The following BLOC1S3 variants were observed in gnomAD, a reference collection of about 807,000 sequenced individuals.
The protein encoded by BLOC1S3 is biogenesis of lysosomal organelles complex 1 subunit 3.
In BLOC1S3, 7 loss-of-function variants were observed where a neutral mutation model predicts 9.1. That is an observed-to-expected ratio of 0.77 (90% CI 0.44 to 1.45). BLOC1S3 has a LOEUF of 1.45. BLOC1S3 is among the 40% of genes most tolerant of loss of function. The pLI, the probability that BLOC1S3 is intolerant of heterozygous loss-of-function variation, is 0.01. For missense variants in BLOC1S3, 307 were observed against 315.2 expected (o/e 0.97, Z 0.20); for synonymous variants, 145 against 158.4 (o/e 0.92, Z 0.64).
chr19:45,189,592 C>T lies in BLOC1S3; in HGVS notation n.180+1852C>T, dbSNP rs571233698. On this transcript the variant is annotated intron_variant and non_coding_transcript_variant, in intron 2 of 3. Transcript: ENST00000591569. ...AGATTATAGGCATGTGCCACCAAGC[C>T]TGGCTTTTTTTTTTTTTTTTTTGGT... Among the ~76,000 whole-genome samples, 223 of 146,652 alleles carry T rather than the reference C, an allele frequency of 1.5e-3. 1 individual carries two copies. The highest frequency in any genetic ancestry group is 5.5e-3 in the African/African-American group (216 of 39,116).
rs1162793363 is a variant in BLOC1S3, at chr19:45,212,879, C to T, written n.283-3797C>T. 6.7e-6 allele frequency: 4 copies of T among 597,008 alleles called. No homozygotes were observed. In the African/African-American group the frequency reaches 7.8e-5, roughly 12 times the overall value. 37.0% of individuals were successfully genotyped at this position (597,008 alleles called of 1,614,324 possible). A position where few individuals can be genotyped will look rare whatever the true frequency, so the allele number is the denominator to read the frequency against. ...CCTCCCAAAGTGTTGGGATTACAGGCATGAGCCACCGTGCCTGGCGTTTGT... is the reference window on the plus strand; with the variant it reads ...CCTCCCAAAGTGTTGGGATTACAGGTATGAGCCACCGTGCCTGGCGTTTGT... On this transcript the variant is annotated intron_variant and non_coding_transcript_variant, in intron 3 of 3. Transcript: ENST00000591569.
At chr19:45,203,688 C>T (rs1385347414) in intron 3 of BLOC1S3, among the ~76,000 whole-genome samples, 1 of 152,136 alleles carries the variant, frequency 6.6e-6, no homozygotes, top group African/African-American at 2.4e-5. Context: ...TTTAAATGCT[C>T]CCTCCATGGG....
At chr19:45,215,999 C>T (rs1969829633) in intron 3 of BLOC1S3, 1 of 1,588,076 alleles carries the variant, frequency 6.3e-7, no homozygotes. Context: ...GCAGGAAGCA[C>T]AGGGACGGAT....
rs1054281226 is a variant in BLOC1S3 at position 45,206,450 on chromosome 19, GTTTTTT to G, written n.282+3961_282+3966del. Among the ~76,000 whole-genome samples the G allele has an allele frequency of 3.0e-3, 164 of 55,146 alleles. 11 individuals are homozygous for G. The highest frequency in any genetic ancestry group is 0.014 in the African/African-American group (153 of 10,620). The allele number at this position is 55,146 out of a possible 152,430, so 36.2% of individuals were successfully genotyped here. On this transcript the variant is annotated intron_variant and non_coding_transcript_variant, in intron 3 of 3. Transcript: ENST00000591569. ...TTCCACCTTCTTTTGGATTAATCAA[GTTTTTT>G]TTTTTTTTTTTTTTTTTGAGCAAGG...
exon 4 of BLOC1S3, chr19:45,216,805 C>T (rs1969840076): frequency 6.6e-6 from 1 of 152,118 alleles, no homozygotes; most frequent in African/African-American, 2.4e-5. Flanking sequence ...CTTACATCTG[C>T]ATGTGAATCT....
intron 2 of BLOC1S3, among the ~76,000 whole-genome samples, chr19:45,200,897 T>G (rs747560678): frequency 3.9e-5 from 6 of 152,186 alleles, no homozygotes; most frequent in Non-Finnish European, 7.3e-5. Flanking sequence ...ATGCTGTGAT[T>G]CTTGCAGCAT....
In BLOC1S3 at chr19:45,213,385, T is replaced by C. The variant is rs192143624; in HGVS notation, n.283-3291T>C. 2.1e-5 allele frequency: 34 copies of C among 1,609,682 alleles called. No homozygotes were observed. In the East Asian group the frequency reaches 7.4e-4, roughly 35 times the overall value. On this transcript the variant is annotated intron_variant and non_coding_transcript_variant, in intron 3 of 3. Transcript: ENST00000591569. ...GTGGGGAGAGGAACAGACAGGTGCATGCAGATCCCCAGCTCTAGACACACA... is the reference window on the plus strand; with the variant it reads ...GTGGGGAGAGGAACAGACAGGTGCACGCAGATCCCCAGCTCTAGACACACA...
intron 2 of BLOC1S3, among the ~76,000 whole-genome samples, chr19:45,190,020 CT>C (rs1436820392): frequency 6.7e-6 from 1 of 149,170 alleles, no homozygotes; most frequent in Non-Finnish European, 1.5e-5. Flanking sequence ...CTTTTTTTTT[CT>C]TTTTCTAAGA....
intron 3 of BLOC1S3, among the ~76,000 whole-genome samples, chr19:45,203,958 C>G (rs189813290): frequency 3.9e-4 from 59 of 152,200 alleles, no homozygotes; most frequent in African/African-American, 1.3e-3. Flanking sequence ...CTTAAAATAG[C>G]AGTCAAATAT....
chr19:45,198,478 G>A (rs1440170842), intron 2 of BLOC1S3, among the ~76,000 whole-genome samples: 1 of 152,010 alleles, frequency 6.6e-6, no homozygotes, highest in Non-Finnish European at 1.5e-5. Flanking sequence ...ATTTTTAGTA[G>A]AGACAAGGTT....
chr19:45,182,476 T>C (rs1599748244), downstream of BLOC1S3, among the ~76,000 whole-genome samples: 1 of 152,234 alleles, frequency 6.6e-6, no homozygotes, highest in East Asian at 1.9e-4. Context: ...TAGACCAGCC[T>C]GGCCAACATG....
Position 45,179,999 on chromosome 19 carries a change from C to G in BLOC1S3, c.*94C>G. On this transcript the variant is annotated 3_prime_UTR_variant, in exon 2 of 2. Coordinates refer to ENST00000433642, the MANE Select transcript of BLOC1S3 (RefSeq NM_212550.5). The surrounding 1 kb of genome is among the most constrained non-coding windows in gnomAD (Gnocchi z 4.6). Reference sequence around the variant, plus strand: ...GTCTCCTGTGTCTCTTATCACCCCCCACCCCCGCTCCCATCTTGGTGTCAC... The same window carrying G: ...GTCTCCTGTGTCTCTTATCACCCCCGACCCCCGCTCCCATCTTGGTGTCAC... 7.0e-7 allele frequency: 1 copy of G among 1,427,060 alleles called. No homozygotes were observed. Among genetic ancestry groups the G allele is most frequent in the Non-Finnish European group, 9.5e-7 (1 of 1,050,240 alleles). The allele number at this position is 1,427,060 out of a possible 1,614,324, so 88.4% of individuals were successfully genotyped here. A position where few individuals can be genotyped will look rare whatever the true frequency, so the allele number is the denominator to read the frequency against.
rs549604604 is a variant in BLOC1S3 at position 45,214,551 on chromosome 19, G to A, written n.283-2125G>A. On this transcript the variant is annotated intron_variant and non_coding_transcript_variant, in intron 3 of 3. Transcript: ENST00000591569. The stretch of plus-strand genomic sequence containing the variant: ...GCGATCTCAGCTCACTGCAACCTCC[G>A]CCTCCTGGGCTCAAGCAATTCTCCT... Among the ~76,000 whole-genome samples, 6 of 152,100 alleles carry A rather than the reference G, an allele frequency of 3.9e-5. No homozygotes were observed. In the East Asian group the frequency reaches 7.8e-4, roughly 20 times the overall value.
chr19:45,194,276 CT>C (rs1456349931), intron 2 of BLOC1S3, among the ~76,000 whole-genome samples: 16 of 151,268 alleles, frequency 1.1e-4, no homozygotes, highest in African/African-American at 3.6e-4. Flanking sequence ...CCATGTCTGC[CT>C]AATTTTTGTA....
chr19:45,180,739 T>G lies in BLOC1S3; in HGVS notation c.*834T>G, dbSNP rs1265503645. On this transcript the variant is annotated 3_prime_UTR_variant, in exon 2 of 2. Transcript: ENST00000433642. ...CACCCTAGGCTGGGTCCTTGTTTTG[T>G]TTTTAGAGACAGGGTCTCACTGTGT... 1 of 166,944 alleles carries G rather than the reference T, an allele frequency of 6.0e-6. No homozygotes were observed. The highest frequency in any genetic ancestry group is 1.5e-5 in the Non-Finnish European group (1 of 68,194). The allele number at this position is 166,944 out of a possible 1,614,324, so 10.3% of individuals were successfully genotyped here. A position where few individuals can be genotyped will look rare whatever the true frequency, so the allele number is the denominator to read the frequency against.
intron 3 of BLOC1S3, among the ~76,000 whole-genome samples, chr19:45,206,459 T>TG (rs1568476452): frequency 1.4e-4 from 17 of 123,418 alleles, no homozygotes; most frequent in Non-Finnish European, 2.5e-4. Context: ...AGTTTTTTTT[T>TG]TTTTTTTTTT....
intron 3 of BLOC1S3, chr19:45,215,977 C>T: frequency 6.5e-7 from 1 of 1,535,620 alleles, no homozygotes; most frequent in Non-Finnish European, 8.8e-7. Context: ...CACCGGCTCC[C>T]TCCCTCAGGA....
At chr19:45,210,519 G>A (rs146759387) in intron 3 of BLOC1S3, among the ~76,000 whole-genome samples, 1 of 151,012 alleles carries the variant, frequency 6.6e-6, no homozygotes, top group Non-Finnish European at 1.5e-5. Flanking sequence ...GGCTGGTCTC[G>A]AACTCCTGAC....
chr19:45,194,451 A>G (rs1193775932), intron 2 of BLOC1S3, among the ~76,000 whole-genome samples: 1 of 152,108 alleles, frequency 6.6e-6, no homozygotes, highest in Admixed American at 6.6e-5. Context: ...ATAAAAACAG[A>G]CTAATACACC....
Sources: allele counts gnomAD v4.1 joint callset (sites outside exome capture counted in the v4.1 genomes callset), GRCh38; gene constraint gnomAD v4.1.1; non-coding constraint Gnocchi (gnomAD v3.1); transcripts MANE v1.5; gene names NCBI Gene and HGNC (gene_info 2026-07-23, HGNC 2026-07-21).